The following AGO2 variants were observed in gnomAD, a reference collection of about 807,000 sequenced individuals.
AGO2 encodes argonaute RISC catalytic component 2, also known as protein argonaute-2.
Under a neutral mutation model 102.3 loss-of-function variants are expected in AGO2, and 5 were observed. The ratio of observed to expected loss-of-function variants is 0.05; its 90% CI spans 0.03 to 0.10. AGO2 has a LOEUF of 0.10. Among genes scored for constraint, AGO2 ranks in the 10% least tolerant of loss-of-function variants. The pLI, the probability that AGO2 is intolerant of heterozygous loss-of-function variation, is 1.00. For synonymous variants in AGO2, 449 were observed against 473.1 expected (o/e 0.95, Z 0.66); for missense variants, 541 against 1,183.7 (o/e 0.46, Z 7.97).
chr8:140,629,885 G>A (rs1204021005), intron 1 of AGO2, among the ~76,000 whole-genome samples: 3 of 142,508 alleles, frequency 2.1e-5, no homozygotes, highest in Admixed American at 7.1e-5. Flanking sequence ...GCAGGGGGAA[G>A]AGGAGGGGAG....
At chr8:140,579,239 A>G (rs371305193) in intron 2 of AGO2, among the ~76,000 whole-genome samples, 1 of 152,084 alleles carries the variant, frequency 6.6e-6, no homozygotes, top group Non-Finnish European at 1.5e-5. Flanking sequence ...AAAAAAAAAA[A>G]CAAAAAGCTA....
At chr8:140,568,325 T>C (rs1184003284) in intron 3 of AGO2, among the ~76,000 whole-genome samples, 1 of 148,220 alleles carries the variant, frequency 6.7e-6, no homozygotes, top group Non-Finnish European at 1.5e-5. Context: ...AAACTGTGTA[T>C]GAAGCCAGGG....
chr8:140,548,987 G>T, intron 12 of AGO2, 127 bp downstream of exon 12: 1 of 1,178,592 alleles, frequency 8.5e-7, no homozygotes, highest in Non-Finnish European at 1.2e-6. Flanking sequence ...TTCTTCCTCA[G>T]CCTCCTGAAA....
intron 1 of AGO2, among the ~76,000 whole-genome samples, chr8:140,588,140 A>G (rs941551563): frequency 6.6e-6 from 1 of 152,236 alleles, no homozygotes; most frequent in Non-Finnish European, 1.5e-5. Context: ...ACGCCCTGCC[A>G]CATGTCCTAC....
intron 1 of AGO2, among the ~76,000 whole-genome samples, chr8:140,601,784 A>G (rs1216854487): frequency 6.6e-6 from 1 of 152,206 alleles, no homozygotes; most frequent in African/African-American, 2.4e-5. Flanking sequence ...GTACTTTAAA[A>G]TTTTAGAATA....
intron 1 of AGO2, among the ~76,000 whole-genome samples, chr8:140,588,847 C>T (rs879786717): frequency 2.0e-5 from 3 of 152,212 alleles, no homozygotes; most frequent in Admixed American, 1.3e-4. Context: ...AGGGCAAGGC[C>T]CGGAACCCAG....
intron 3 of AGO2, among the ~76,000 whole-genome samples, chr8:140,568,300 AGAG>A (rs895956297): frequency 1.4e-5 from 2 of 141,698 alleles, no homozygotes; most frequent in Admixed American, 7.2e-5. Flanking sequence ...AAAAAAAAAA[AGAG>A]AGAGCACAAA....
chr8:140,560,990 C>CT (rs2073190442), intron 4 of AGO2, among the ~76,000 whole-genome samples: 1 of 152,246 alleles, frequency 6.6e-6, no homozygotes, highest in African/African-American at 2.4e-5. Flanking sequence ...CATGACCCAG[C>CT]ATCTGCCGGC....
chr8:140,618,006 CA>C (rs530736260), intron 1 of AGO2, among the ~76,000 whole-genome samples: 37 of 132,784 alleles, frequency 2.8e-4, no homozygotes, highest in Non-Finnish European at 2.1e-4. Context: ...AGACCGTCTA[CA>C]AAAAAAAAAA....
At chr8:140,594,028 T>C (rs145265219) in intron 1 of AGO2, among the ~76,000 whole-genome samples, 213 of 152,340 alleles carry the variant, frequency 1.4e-3, no homozygotes, top group Middle Eastern at 6.8e-3. Flanking sequence ...TGCCAAGCCC[T>C]GCACTAAGGG....
At position 140,528,512 on chromosome 8, in the gene AGO2, C is replaced by T. The variant is rs2072539280; in HGVS notation, c.*3532G>A. 2.0e-5 allele frequency: 3 copies of T among 152,212 alleles called. No homozygotes were observed. The highest frequency in any genetic ancestry group is 7.2e-5 in the African/African-American group (3 of 41,436). The allele number at this position is 152,212 out of a possible 1,614,324, so 9.4% of individuals were successfully genotyped here. ...CCTCAAACAAACAGCGTGGAGGTCA[C>T]TGCCTGCTTCCAACAGTTCCCTCTT... On this transcript the variant is annotated 3_prime_UTR_variant, in exon 19 of 19. Transcript: ENST00000220592. This position sits in a 1 kb window ranked among gnomAD's most constrained non-coding sequence, Gnocchi z 4.5.
chr8:140,606,063 A>G (rs956821255), intron 1 of AGO2, among the ~76,000 whole-genome samples: 3 of 152,250 alleles, frequency 2.0e-5, no homozygotes, highest in Non-Finnish European at 2.9e-5. Flanking sequence ...TTATAAATCA[A>G]TCATGCTCAC....
At chr8:140,568,980 T>C (rs1473038014) in intron 3 of AGO2, among the ~76,000 whole-genome samples, 1 of 152,198 alleles carries the variant, frequency 6.6e-6, no homozygotes, top group Non-Finnish European at 1.5e-5. Context: ...TGCCGCACAC[T>C]GCCCAAGCGG....
chr8:140,628,559 C>T (rs987278992), intron 1 of AGO2, among the ~76,000 whole-genome samples: 1 of 152,146 alleles, frequency 6.6e-6, no homozygotes, highest in Non-Finnish European at 1.5e-5. Flanking sequence ...AATCCCAGCA[C>T]CTTGGGAGGC....
At position 140,545,938 on chromosome 8, in the gene AGO2, G is replaced by A. The variant is rs143204544; in HGVS notation, c.1748+1530C>T. On this transcript the variant is annotated intron_variant, in intron 13 of 18. Transcript: ENST00000220592. ...AGCATTCCCCAGGCAGCACGTGGGA[G>A]GGCCTGTCTCTTGTCTGCTCTCATG... 5.3e-4 allele frequency among the ~76,000 whole-genome samples: 80 copies of A among 152,326 alleles called. 1 individual carries two copies. The highest frequency in any genetic ancestry group is 3.4e-3 in the Middle Eastern group (1 of 294).
At position 140,589,342 on chromosome 8, in the gene AGO2, T is replaced by C; in HGVS notation, c.23-4031A>G. 6.6e-6 allele frequency among the ~76,000 whole-genome samples: 1 copy of C among 152,130 alleles called. No homozygotes were observed. Among genetic ancestry groups the C allele is most frequent in the South Asian group, 2.1e-4 (1 of 4,834 alleles). On this transcript the variant is annotated intron_variant, in intron 1 of 18. Coordinates refer to ENST00000220592, the MANE Select transcript of AGO2 (RefSeq NM_012154.5). The surrounding 1 kb of genome is among the most constrained non-coding windows in gnomAD (Gnocchi z 4.2). ...GCCCAGCTCTTCCGTGAAGCCGCTTTGGCTACCGGCGGGTGAACCACAGGC... is the reference window on the plus strand; with the variant it reads ...GCCCAGCTCTTCCGTGAAGCCGCTTCGGCTACCGGCGGGTGAACCACAGGC...
intron 1 of AGO2, among the ~76,000 whole-genome samples, chr8:140,630,497 C>G (rs1444445214): frequency 6.6e-6 from 1 of 152,210 alleles, no homozygotes; most frequent in African/African-American, 2.4e-5. Flanking sequence ...ATAGTGGCTA[C>G]AGCGAACAAG....
At chr8:140,640,837 A>G in the AGO2 span, among the ~76,000 whole-genome samples, 17 of 152,316 alleles carry the variant, frequency 1.1e-4, no homozygotes, top group African/African-American at 3.4e-4. Flanking sequence ...GTTCCTAAGC[A>G]TGATGTGAAG....
rs564985820 is a variant in AGO2 at position 140,559,621 on chromosome 8, G to A, written c.656-92C>T. 1.8e-4 allele frequency: 270 copies of A among 1,528,772 alleles called. 3 individuals are homozygous for A. In the South Asian group the frequency reaches 3.1e-3, roughly 17 times the overall value. The allele number at this position is 1,528,772 out of a possible 1,614,324, so 94.7% of individuals were successfully genotyped here. The stretch of plus-strand genomic sequence containing the variant: ...TGGAGGGGCCTCATAGGCCAGGCCA[G>A]CCATGGTGGGGACACCCGGCCGGGG... On this transcript the variant is annotated intron_variant, in intron 5 of 18. Transcript: ENST00000220592.
Sources: allele counts gnomAD v4.1 joint callset (sites outside exome capture counted in the v4.1 genomes callset), GRCh38; gene constraint gnomAD v4.1.1; non-coding constraint Gnocchi (gnomAD v3.1); transcripts MANE v1.5; gene names NCBI Gene and HGNC (gene_info 2026-07-23, HGNC 2026-07-21).